Variants in BTBD9 observed in about 807,000 individuals in gnomAD.
The protein encoded by BTBD9 is BTB/POZ domain-containing protein 9.
In BTBD9, 49 loss-of-function variants were observed where a neutral mutation model predicts 64.3. The ratio of observed to expected loss-of-function variants is 0.76; its 90% CI spans 0.61 to 0.97. The LOEUF (loss-of-function observed/expected upper bound fraction) is 0.97. BTBD9 is among the 50% of genes least tolerant of loss of function. The pLI, the probability that BTBD9 is intolerant of heterozygous loss-of-function variation, is 0.00. For synonymous variants in BTBD9, 260 were observed against 274.7 expected, an observed-to-expected ratio of 0.95 and a Z score of 0.53; for missense variants, 598 against 762.1, an observed-to-expected ratio of 0.78 and a Z score of 2.53.
intron 7 of BTBD9, among the ~76,000 whole-genome samples, chr6:38,328,189 C>T (rs1340122063): frequency 1.3e-5 from 2 of 152,130 alleles, no homozygotes; most frequent in Non-Finnish European, 2.9e-5. Flanking sequence ...ATCTAGAAAA[C>T]GTGTGAACAT....
chr6:38,339,994 T>C (rs974624673), intron 7 of BTBD9, among the ~76,000 whole-genome samples: 1 of 152,166 alleles, frequency 6.6e-6, no homozygotes, highest in Non-Finnish European at 1.5e-5. Context: ...AGCTGTTATG[T>C]ATGTATTGGG....
At chr6:38,453,251 G>C (rs997484211) in intron 6 of BTBD9, among the ~76,000 whole-genome samples, 1 of 152,100 alleles carries the variant, frequency 6.6e-6, no homozygotes, top group African/African-American at 2.4e-5. Context: ...TCTCCCCGTA[G>C]AATTTATTGT....
chr6:38,392,241 C>T (rs993306003), intron 6 of BTBD9, among the ~76,000 whole-genome samples: 2 of 150,504 alleles, frequency 1.3e-5, no homozygotes, highest in East Asian at 3.9e-4. Context: ...GAGAGAAAAA[C>T]GGAGTCAAAG....
At chr6:38,187,188 C>T (rs899339224) in intron 10 of BTBD9, among the ~76,000 whole-genome samples, 12 of 152,154 alleles carry the variant, frequency 7.9e-5, no homozygotes, top group African/African-American at 2.9e-4. Context: ...AAGACTCCCT[C>T]GACGTTTGTT....
chr6:38,234,077 C>T (rs968614842), intron 9 of BTBD9, among the ~76,000 whole-genome samples: 9 of 152,190 alleles, frequency 5.9e-5, no homozygotes, highest in Non-Finnish European at 8.8e-5. Context: ...GGATTCCAGT[C>T]ACGAGGTATG....
At chr6:38,463,244 C>T (rs1221870149) in intron 6 of BTBD9, among the ~76,000 whole-genome samples, 1 of 152,220 alleles carries the variant, frequency 6.6e-6, no homozygotes, top group Non-Finnish European at 1.5e-5. Context: ...CTGCCACTTG[C>T]TAAATTCACT....
intron 6 of BTBD9, among the ~76,000 whole-genome samples, chr6:38,438,679 G>T (rs78545177): frequency 2.0e-5 from 3 of 152,196 alleles, no homozygotes; most frequent in Non-Finnish European, 4.4e-5. Flanking sequence ...TATTTATTGA[G>T]CATTTACTAT....
chr6:38,487,841 A>G (rs1316815889), intron 6 of BTBD9, among the ~76,000 whole-genome samples: 2 of 152,184 alleles, frequency 1.3e-5, no homozygotes, highest in African/African-American at 4.8e-5. Flanking sequence ...TTTTTAAAGT[A>G]TTGTTTAGAA....
intron 9 of BTBD9, among the ~76,000 whole-genome samples, chr6:38,202,093 T>A (rs12206718): frequency 6.8e-6 from 1 of 147,738 alleles, no homozygotes; most frequent in African/African-American, 2.5e-5. Flanking sequence ...TTGTTTTTTT[T>A]TTTTTTTTTT....
intron 6 of BTBD9, among the ~76,000 whole-genome samples, chr6:38,362,323 T>C (rs1170977720): frequency 1.3e-5 from 2 of 152,242 alleles, no homozygotes; most frequent in Non-Finnish European, 2.9e-5. Flanking sequence ...CTACTGGACC[T>C]GATCTTTCTG....
Position 38,594,228 on chromosome 6 carries a change from G to C in BTBD9, c.285C>G (p.Ile95Met). 6.2e-7 allele frequency: 1 copy of C among 1,614,182 alleles called. No individual in the cohort carries two copies. Among genetic ancestry groups the C allele is most frequent in the Non-Finnish European group, 8.5e-7 (1 of 1,180,032 alleles). Residue 95 changes from isoleucine to methionine, a missense_variant, in exon 3 of 11, where the codon ATC becomes ATG. By Grantham distance (10) the Ile-to-Met change is conservative. Transcript: ENST00000481247. ...AEAFTMLLKYIYTGRATLTDE... is the reference protein window; with the variant it reads ...AEAFTMLLKYMYTGRATLTDE... ...CTGTCAGCGTTGCCCGCCCAGTGTA[G>C]ATATATTTGAGTAGCATTGTGAATG...
At chr6:38,557,822 C>T (rs1775097359) in intron 6 of BTBD9, among the ~76,000 whole-genome samples, 1 of 152,206 alleles carries the variant, frequency 6.6e-6, no homozygotes, top group Admixed American at 6.5e-5. Context: ...TAGCTTCTTT[C>T]TCAGTGACAA....
intron 9 of BTBD9, among the ~76,000 whole-genome samples, chr6:38,225,790 C>T (rs1343771083): frequency 3.9e-5 from 6 of 152,176 alleles, no homozygotes; most frequent in Admixed American, 2.6e-4. Context: ...CAACCCAGGA[C>T]TTCAAGGTGC....
intron 6 of BTBD9, among the ~76,000 whole-genome samples, chr6:38,432,236 C>T (rs1412855012): frequency 6.6e-6 from 1 of 152,012 alleles, no homozygotes; most frequent in Non-Finnish European, 1.5e-5. Context: ...ATTTCCCAGC[C>T]TCCAGCGCTG....
intron 6 of BTBD9, among the ~76,000 whole-genome samples, chr6:38,465,889 G>A (rs1770363850): frequency 7.7e-6 from 1 of 129,440 alleles, no homozygotes. Flanking sequence ...AGAGTGCCGT[G>A]GTATGATCAT....
intron 6 of BTBD9, among the ~76,000 whole-genome samples, chr6:38,360,135 A>G (rs916540789): frequency 2.0e-5 from 3 of 152,332 alleles, no homozygotes; most frequent in East Asian, 3.9e-4. Context: ...GTGAAATACT[A>G]ATTTGGGAAA....
chr6:38,417,923 A>G (rs1202212360), intron 6 of BTBD9, among the ~76,000 whole-genome samples: 1 of 152,216 alleles, frequency 6.6e-6, no homozygotes, highest in Non-Finnish European at 1.5e-5. Context: ...CAATCATCAC[A>G]GCTAACTTTT....
At chr6:38,556,498 T>G (rs1246446576) in intron 6 of BTBD9, among the ~76,000 whole-genome samples, 2 of 148,536 alleles carry the variant, frequency 1.3e-5, no homozygotes, top group Non-Finnish European at 3.0e-5. Flanking sequence ...ATTATCTTTG[T>G]CCTATAAAGT....
intron 6 of BTBD9, among the ~76,000 whole-genome samples, chr6:38,564,870 C>T (rs1375188032): frequency 2.6e-5 from 4 of 151,528 alleles, no homozygotes; most frequent in South Asian, 2.1e-4. Context: ...CCAGCCTGGG[C>T]GACAGAGCAA....
Sources: allele counts gnomAD v4.1 joint callset (sites outside exome capture counted in the v4.1 genomes callset), GRCh38; gene constraint gnomAD v4.1.1; transcripts MANE v1.5; gene names NCBI Gene and HGNC (gene_info 2026-07-23, HGNC 2026-07-21).